The following FBN2 variants were observed in gnomAD, a reference collection of about 807,000 sequenced individuals.
FBN2 encodes the protein fibrillin-2.
FBN2 carries 105 observed loss-of-function variants against 355.6 expected under a neutral mutation model. The ratio of observed to expected loss-of-function variants is 0.30; its 90% CI spans 0.25 to 0.35. The LOEUF (loss-of-function observed/expected upper bound fraction) is 0.35, where lower values mean the gene tolerates loss of function less well. Ranked by LOEUF, FBN2 falls within the 10% of genes least tolerant of loss-of-function variation. The probability of loss-of-function intolerance (pLI) is 1.00; values close to 1 mark genes in which losing one functional copy is unlikely to be tolerated. For missense variants in FBN2, 3,280 were observed against 3,758.7 expected (o/e 0.87, Z 3.33); for synonymous variants, 1,350 against 1,301.2 (o/e 1.04, Z -0.81).
intron 7 of FBN2, among the ~76,000 whole-genome samples, chr5:128,435,655 C>T (rs1753752136): frequency 6.6e-6 from 1 of 152,044 alleles, no homozygotes; most frequent in African/African-American, 2.4e-5. Flanking sequence ...TCTTCCCTCC[C>T]CAAATTTATT....
At chr5:128,383,050 A>G (rs1215428268) in intron 11 of FBN2, among the ~76,000 whole-genome samples, 1 of 152,126 alleles carries the variant, frequency 6.6e-6, no homozygotes, top group African/African-American at 2.4e-5. Context: ...TAAGAGAAGG[A>G]AAACAAACAC....
At chr5:128,313,178 T>G (rs555018086) in intron 36 of FBN2, among the ~76,000 whole-genome samples, 1 of 152,340 alleles carries the variant, frequency 6.6e-6, no homozygotes, top group South Asian at 2.1e-4. Flanking sequence ...ATAGCTAACT[T>G]TGCAGGTTTT....
At chr5:128,399,757 A>C (rs1752747362) in intron 8 of FBN2, among the ~76,000 whole-genome samples, 1 of 152,140 alleles carries the variant, frequency 6.6e-6, no homozygotes, top group African/African-American at 2.4e-5. Flanking sequence ...GGTAATTTTA[A>C]ATATGCATCT....
At position 128,274,667 on chromosome 5, in the gene FBN2, T is replaced by C. The variant is rs1765345357; in HGVS notation, c.7611A>G (p.Gln2537=). The C allele has an allele frequency of 2.5e-6, 4 of 1,608,986 alleles. No homozygotes were observed. Among genetic ancestry groups the C allele is most frequent in the Non-Finnish European group, 3.4e-6 (4 of 1,175,322 alleles). Residue 2537 remains glutamine (Q), a synonymous_variant, in exon 60 of 65, where the codon CAA becomes CAG. Transcript: ENST00000262464. ...GGAACTGGCAGTTATGCTGCTTTGT[T>C]TGACATTCATCAAGGTCTGAAATTA... ...GKTCKDLDEC[Q]TKQHNCQFLC...
At chr5:128,262,001 A>C in intron 63 of FBN2, 94 bp from the exon 64 acceptor site, 1 of 923,948 alleles carries the variant, frequency 1.1e-6, no homozygotes. Context: ...CACGAAACCA[A>C]CAGAGCAAAC....
At chr5:128,357,799 C>G (rs1751541471) in intron 19 of FBN2, among the ~76,000 whole-genome samples, 1 of 152,058 alleles carries the variant, frequency 6.6e-6, no homozygotes, top group African/African-American at 2.4e-5. Flanking sequence ...ATCTTAGATG[C>G]AAAATATCAC....
At chr5:128,491,226 T>G (rs1390748055) in intron 5 of FBN2, among the ~76,000 whole-genome samples, 1 of 152,196 alleles carries the variant, frequency 6.6e-6, no homozygotes, top group Non-Finnish European at 1.5e-5. Context: ...AAAACTGGCT[T>G]TTAAAAGCTT....
chr5:128,301,157 T>G (rs1013564631), intron 47 of FBN2, among the ~76,000 whole-genome samples: 2 of 152,218 alleles, frequency 1.3e-5, no homozygotes, highest in Non-Finnish European at 2.9e-5. Flanking sequence ...TTACTTTTCT[T>G]AAGACATGGA....
chr5:128,413,744 T>G (rs1753126248), intron 7 of FBN2, among the ~76,000 whole-genome samples: 1 of 152,152 alleles, frequency 6.6e-6, no homozygotes, highest in Admixed American at 6.5e-5. Flanking sequence ...ATGTAACAAT[T>G]ATGTTACAGA....
Position 128,398,911 on chromosome 5 carries a change from G to A in FBN2, c.1079-3637C>T, listed in dbSNP as rs557758189. 5.0e-4 allele frequency among the ~76,000 whole-genome samples: 76 copies of A among 152,244 alleles called. No homozygotes were observed. The South Asian group carries it at 6.0e-3, about 12-fold the overall frequency. On this transcript the variant is annotated intron_variant, in intron 8 of 64. Transcript: ENST00000262464. ...TCTCTGGTCTGCCACCACGTGAGTC[G>A]TGCCTTTCACCTTGCACCATGAATG... is the stretch of plus-strand genomic sequence containing the variant.
At chr5:128,532,867 A>C (rs1756743478) in intron 2 of FBN2, among the ~76,000 whole-genome samples, 1 of 152,076 alleles carries the variant, frequency 6.6e-6, no homozygotes, top group East Asian at 1.9e-4. Flanking sequence ...GCAGACCCCA[A>C]CGCTACGAAA....
intron 7 of FBN2, among the ~76,000 whole-genome samples, chr5:128,410,619 C>T (rs1355382803): frequency 6.6e-6 from 1 of 152,152 alleles, no homozygotes; most frequent in Non-Finnish European, 1.5e-5. Context: ...TAAACAACTT[C>T]CCTATGCCCT....
intron 14 of FBN2, among the ~76,000 whole-genome samples, chr5:128,375,134 T>A (rs1752048883): frequency 6.6e-6 from 1 of 152,196 alleles, no homozygotes; most frequent in South Asian, 2.1e-4. Context: ...CATTTGGTCA[T>A]TTGATAATAA....
chr5:128,390,587 C>T (rs1343995182), intron 11 of FBN2, among the ~76,000 whole-genome samples: 3 of 152,172 alleles, frequency 2.0e-5, no homozygotes, highest in Non-Finnish European at 4.4e-5. Context: ...TTTTAAAATA[C>T]TTCTGTGACA....
intron 48 of FBN2, among the ~76,000 whole-genome samples, chr5:128,293,820 C>T (rs1561752960): frequency 6.6e-6 from 1 of 151,466 alleles, no homozygotes; most frequent in South Asian, 2.1e-4. Flanking sequence ...GGATCTTAAA[C>T]TTTTCTTTTT....
At chr5:128,516,052 G>T (rs1162579613) in intron 5 of FBN2, among the ~76,000 whole-genome samples, 1 of 152,088 alleles carries the variant, frequency 6.6e-6, no homozygotes, top group Non-Finnish European at 1.5e-5. Context: ...ACTCTAGACA[G>T]GCCACATTTG....
At chr5:128,534,313 A>G (rs1455075094) in intron 2 of FBN2, among the ~76,000 whole-genome samples, 1 of 152,204 alleles carries the variant, frequency 6.6e-6, no homozygotes, top group African/African-American at 2.4e-5. Flanking sequence ...TGAGTTTATA[A>G]CGGTTTCATT....
In FBN2 at chr5:128,305,884, G is replaced by A. The variant is rs375136629; in HGVS notation, c.5487C>T (p.Gly1829=). ...CTGTAGGGCATTCACAGCGGAAACT[G>A]CCAATCTGGTTAATGCACACACCAT... ...CANGVCINQI[G]SFRCECPTGF... is the part of the protein sequence containing the mutation. The change falls in exon 43 of 65, where the codon GGC becomes GGT. Residue 1829 remains glycine, a synonymous_variant. Transcript: ENST00000262464. The A allele has an allele frequency of 4.7e-5, 76 of 1,613,576 alleles. 2 individuals are homozygous for A. The South Asian group carries it at 5.1e-4, about 11-fold the overall frequency.
intron 48 of FBN2, among the ~76,000 whole-genome samples, chr5:128,294,558 T>C (rs1581194639): frequency 6.7e-6 from 1 of 149,720 alleles, no homozygotes; most frequent in South Asian, 2.1e-4. Context: ...TATCTCATTG[T>C]GGTTTTGATT....
Sources: gnomAD v4.1 joint callset for allele counts (sites outside exome capture counted in the v4.1 genomes callset) on GRCh38, gnomAD v4.1.1 for gene constraint, MANE v1.5 for transcripts, NCBI Gene and HGNC (gene_info 2026-07-23, HGNC 2026-07-21) for gene names.